The following MFSD6 variants were observed in gnomAD, a reference collection of about 807,000 sequenced individuals.
MFSD6 encodes major facilitator superfamily domain containing 6.
In MFSD6, 26 loss-of-function variants were observed where a neutral mutation model predicts 56.3. The observed-to-expected ratio is 0.46, with a 90% CI of 0.34 to 0.64. The LOEUF is 0.64. Ranked by LOEUF, MFSD6 falls within the 30% of genes least tolerant of loss-of-function variation. The pLI is 0.01. For missense variants in MFSD6, 750 were observed against 986.2 expected (o/e 0.76, Z 3.21); for synonymous variants, 331 against 366.9 (o/e 0.90, Z 1.12).
chr2:190,431,123 G>A lies in MFSD6; in HGVS notation c.-53-4854G>A, dbSNP rs1685978811. On this transcript the variant is annotated intron_variant, in intron 2 of 7. Coordinates refer to ENST00000392328, the MANE Select transcript of MFSD6 (RefSeq NM_017694.4). This position sits in a 1 kb window ranked among gnomAD's most constrained non-coding sequence, Gnocchi z 4.4. Reference sequence around the variant, plus strand: ...TCCCAGACAGGGCGGCGGGGCAGAGGCGCTCCCCACATCTCAGACGATGGG... The same window carrying A: ...TCCCAGACAGGGCGGCGGGGCAGAGACGCTCCCCACATCTCAGACGATGGG... Among the ~76,000 whole-genome samples, 2 of 147,796 alleles carry A rather than the reference G, an allele frequency of 1.4e-5. No homozygotes were observed. The highest frequency in any genetic ancestry group is 3.0e-5 in the Non-Finnish European group (2 of 67,182).
rs151125989 is a variant in MFSD6, at chr2:190,462,234, T to C, written c.1533-7524T>C. Among the ~76,000 whole-genome samples, 2,739 of 152,236 alleles carry C rather than the reference T, an allele frequency of 0.018. 43 individuals carry two copies. The highest frequency in any genetic ancestry group is 0.028 in the Non-Finnish European group (1,897 of 68,006). On this transcript the variant is annotated intron_variant, in intron 3 of 7. Transcript: ENST00000392328. The surrounding 1 kb of genome is among the most constrained non-coding windows in gnomAD (Gnocchi z 5.7). ...AGAAATGGGAACAGAATAACCATTG[T>C]TTTAAGAGATTTACCTCATGGTTCT...
intron 3 of MFSD6, chr2:190,464,933 C>T: frequency 1.0e-6 from 1 of 982,358 alleles, no homozygotes; most frequent in Non-Finnish European, 1.2e-6. Context: ...GTGGATTTAG[C>T]CATATTATAG....
intron 4 of MFSD6, among the ~76,000 whole-genome samples, chr2:190,486,894 G>A (rs929609282): frequency 6.6e-6 from 1 of 152,156 alleles, no homozygotes; most frequent in Admixed American, 6.5e-5. Flanking sequence ...CTTAATGAAG[G>A]TTTTAATTCA....
rs1575810431 is a variant in MFSD6, at chr2:190,411,803, A to G, written c.-176+3300A>G. On this transcript the variant is annotated intron_variant, in intron 1 of 7. Transcript: ENST00000392328. ...TCTAATAGTAACTGTAGCATATTCT[A>G]CAACTCCTCAGTTTTCCTCCTCAAT... 4 of 985,368 alleles carry G rather than the reference A, an allele frequency of 4.1e-6. No homozygotes were observed. The East Asian group carries it at 4.5e-4, about 112-fold the overall frequency. The allele number at this position is 985,368 out of a possible 1,614,324, so 61.0% of individuals were successfully genotyped here. A position where few individuals can be genotyped will look rare whatever the true frequency, so the allele number is the denominator to read the frequency against.
rs1235920959 is a variant in MFSD6, at chr2:190,410,692, G to A, written c.-176+2189G>A. On this transcript the variant is annotated intron_variant, in intron 1 of 7. Transcript: ENST00000392328. The surrounding 1 kb of genome is among the most constrained non-coding windows in gnomAD (Gnocchi z 4.4). ...TTTGGCAATCTCATTATAGGGAAAG[G>A]AAGAAATGCAAAAAATGTGTGTCTG... Among the ~76,000 whole-genome samples the A allele has an allele frequency of 6.6e-6, 1 of 152,046 alleles. No homozygotes were observed. Among genetic ancestry groups the A allele is most frequent in the Non-Finnish European group, 1.5e-5 (1 of 68,016 alleles).
rs1689884118 is a variant in MFSD6, at chr2:190,499,153, TATA to T, written c.2173-857_2173-855del. Among the ~76,000 whole-genome samples the T allele has an allele frequency of 6.6e-6, 1 of 152,158 alleles. No homozygotes were observed. Among genetic ancestry groups the T allele is most frequent in the East Asian group, 1.9e-4 (1 of 5,178 alleles). On this transcript the variant is annotated intron_variant, in intron 7 of 7. Transcript: ENST00000392328. This position sits in a 1 kb window ranked among gnomAD's most constrained non-coding sequence, Gnocchi z 6.0. The stretch of plus-strand genomic sequence containing the variant: ...ACAGAGTGAGACTCCGTCTCAAAAT[TATA>T]ATAACAATAATAAATAAATAAATAA...
chr2:190,457,502 T>C lies in MFSD6; in HGVS notation c.1533-12256T>C, dbSNP rs115519194. ...TTCAAACAGACCATCTAGCCAGTGATAGGGGATGTGTTTTATGATAGCAGT... is the reference window on the plus strand; with the variant it reads ...TTCAAACAGACCATCTAGCCAGTGACAGGGGATGTGTTTTATGATAGCAGT... On this transcript the variant is annotated intron_variant, in intron 3 of 7. Coordinates refer to ENST00000392328, the MANE Select transcript of MFSD6 (RefSeq NM_017694.4). This position sits in a 1 kb window ranked among gnomAD's most constrained non-coding sequence, Gnocchi z 5.1. Among the ~76,000 whole-genome samples, 21 of 152,262 alleles carry C rather than the reference T, an allele frequency of 1.4e-4. No individual in the cohort carries two copies. Among genetic ancestry groups the C allele is most frequent in the African/African-American group, 3.9e-4 (16 of 41,546 alleles).
rs1687898407 is a variant in MFSD6, at chr2:190,471,140, C to T, written c.1630+1285C>T. Among the ~76,000 whole-genome samples the T allele has an allele frequency of 6.6e-6, 1 of 152,146 alleles. No homozygotes were observed. Among genetic ancestry groups the T allele is most frequent in the Admixed American group, 6.5e-5 (1 of 15,276 alleles). ...CCAAGATGGCCGAATAGGAACAGCT[C>T]CAGTCTACAGGTCTCAGCGTAAGTG... On this transcript the variant is annotated intron_variant, in intron 4 of 7. Coordinates refer to ENST00000392328, the MANE Select transcript of MFSD6 (RefSeq NM_017694.4). This position sits in a 1 kb window ranked among gnomAD's most constrained non-coding sequence, Gnocchi z 4.7.
rs150107016 is a variant in MFSD6, at chr2:190,422,788, T to C, written c.-54+7375T>C. 5.7e-3 allele frequency among the ~76,000 whole-genome samples: 869 copies of C among 152,264 alleles called. 12 individuals are homozygous for C. The highest frequency in any genetic ancestry group is 0.02 in the African/African-American group (841 of 41,552). On this transcript the variant is annotated intron_variant, in intron 2 of 7. Coordinates refer to ENST00000392328, the MANE Select transcript of MFSD6 (RefSeq NM_017694.4). ...TTGAAATTTTAAAGTTTTCTTCCCT[T>C]AATTTTTTTCTTTTCTTCCTTCTTG...
chr2:190,488,153 G>A lies in MFSD6; in HGVS notation c.1631-504G>A, dbSNP rs1266670796. ...CCTGACCTCGTGATCCACCCGCCTC[G>A]GCCTCCCAAAGTGCTGGGATTACAG... On this transcript the variant is annotated intron_variant, in intron 4 of 7. Coordinates refer to ENST00000392328, the MANE Select transcript of MFSD6 (RefSeq NM_017694.4). The surrounding 1 kb of genome is among the most constrained non-coding windows in gnomAD (Gnocchi z 6.4). 6.6e-5 allele frequency among the ~76,000 whole-genome samples: 10 copies of A among 152,086 alleles called. No individual in the cohort carries two copies. Among genetic ancestry groups the A allele is most frequent in the African/African-American group, 9.7e-5 (4 of 41,414 alleles).
rs775527185 is a variant in MFSD6 at position 190,417,812 on chromosome 2, G to A, written c.-54+2399G>A. ...TTTCAGAGTTCAATTTAAGCCCCTC[G>A]TTTTCTTGACAACCCCTGTCTGAAG... is the stretch of plus-strand genomic sequence containing the variant. On this transcript the variant is annotated intron_variant, in intron 2 of 7. Coordinates refer to ENST00000392328, the MANE Select transcript of MFSD6 (RefSeq NM_017694.4). The surrounding 1 kb of genome is among the most constrained non-coding windows in gnomAD (Gnocchi z 5.7). Among the ~76,000 whole-genome samples, 4 of 151,792 alleles carry A rather than the reference G, an allele frequency of 2.6e-5. No individual in the cohort carries two copies. Among genetic ancestry groups the A allele is most frequent in the Admixed American group, 6.6e-5 (1 of 15,232 alleles).
At chr2:190,481,559 C>T (rs1392850100) in intron 4 of MFSD6, among the ~76,000 whole-genome samples, 2 of 152,214 alleles carry the variant, frequency 1.3e-5, no homozygotes, top group South Asian at 2.1e-4. Context: ...TCAAGGAGCT[C>T]AGTCTGCGTC....
Position 190,469,939 on chromosome 2 carries a change from C to A in MFSD6, c.1630+84C>A. 1 of 944,832 alleles carries A rather than the reference C, an allele frequency of 1.1e-6. No individual in the cohort carries two copies. The highest frequency in any genetic ancestry group is 1.6e-6 in the Non-Finnish European group (1 of 610,760). The allele number at this position is 944,832 out of a possible 1,614,324, so 58.5% of individuals were successfully genotyped here. ...GCCCAGTGGCCTTCAGCATCTGATTCTATAAAGGAAGGGCAGGCCTACTGT... is the reference window on the plus strand; with the variant it reads ...GCCCAGTGGCCTTCAGCATCTGATTATATAAAGGAAGGGCAGGCCTACTGT... On this transcript the variant is annotated intron_variant, in intron 4 of 7. Coordinates refer to ENST00000392328, the MANE Select transcript of MFSD6 (RefSeq NM_017694.4). This position sits in a 1 kb window ranked among gnomAD's most constrained non-coding sequence, Gnocchi z 5.3.
intron 4 of MFSD6, among the ~76,000 whole-genome samples, chr2:190,470,703 G>T: frequency 6.6e-6 from 1 of 152,176 alleles, no homozygotes; most frequent in East Asian, 1.9e-4. Context: ...AGACAAATGC[G>T]GTGTAATCAA....
At position 190,490,285 on chromosome 2, in the gene MFSD6, C is replaced by CGGG. The variant is rs1171184408; in HGVS notation, c.1891+420_1891+422dup. On this transcript the variant is annotated intron_variant, in intron 6 of 7. Coordinates refer to ENST00000392328, the MANE Select transcript of MFSD6 (RefSeq NM_017694.4). This position sits in a 1 kb window ranked among gnomAD's most constrained non-coding sequence, Gnocchi z 4.5. ...TGTTAAAAAAAAAAAAAACAATGGC[C>CGGG]GGGTGCAGTGGCTCACGCCTGTAAT... Among the ~76,000 whole-genome samples the CGGG allele has an allele frequency of 6.6e-6, 1 of 151,276 alleles. No individual in the cohort carries two copies. Among genetic ancestry groups the CGGG allele is most frequent in the African/African-American group, 2.4e-5 (1 of 41,264 alleles).
At position 190,462,857 on chromosome 2, in the gene MFSD6, C is replaced by T. The variant is rs1687401359; in HGVS notation, c.1533-6901C>T. On this transcript the variant is annotated intron_variant, in intron 3 of 7. Transcript: ENST00000392328. The surrounding 1 kb of genome is among the most constrained non-coding windows in gnomAD (Gnocchi z 5.7). ...GCTGTAGCAGCTCCTGCCTGTTGCT[C>T]AGGTCACTGATTCTGTGGCCTTGTC... 6.6e-6 allele frequency among the ~76,000 whole-genome samples: 1 copy of T among 152,208 alleles called. No homozygotes were observed. The highest frequency in any genetic ancestry group is 2.4e-5 in the African/African-American group (1 of 41,462).
Position 190,496,822 on chromosome 2 carries a change from A to T in MFSD6, c.1892-617A>T, listed in dbSNP as rs1381050884. 6.6e-6 allele frequency among the ~76,000 whole-genome samples: 1 copy of T among 152,182 alleles called. No homozygotes were observed. The highest frequency in any genetic ancestry group is 2.4e-5 in the African/African-American group (1 of 41,446). Reference sequence around the variant, plus strand: ...AAGCAACTCAAGAATGGAAAACCAAACATCGTATATTCTCACTCATAAGTG... The same window carrying T: ...AAGCAACTCAAGAATGGAAAACCAATCATCGTATATTCTCACTCATAAGTG... On this transcript the variant is annotated intron_variant, in intron 6 of 7. Transcript: ENST00000392328. This position sits in a 1 kb window ranked among gnomAD's most constrained non-coding sequence, Gnocchi z 4.7.
chr2:190,491,450 A>G lies in MFSD6; in HGVS notation c.1891+1584A>G, dbSNP rs997467593. Among the ~76,000 whole-genome samples the G allele has an allele frequency of 6.6e-6, 1 of 152,204 alleles. No homozygotes were observed. The highest frequency in any genetic ancestry group is 2.4e-5 in the African/African-American group (1 of 41,440). ...CAGGCCAAATATTGGGCTGGTATCC[A>G]GCTGAGAGACCTAAAGATGGTTCAC... On this transcript the variant is annotated intron_variant, in intron 6 of 7. Transcript: ENST00000392328. This position sits in a 1 kb window ranked among gnomAD's most constrained non-coding sequence, Gnocchi z 4.2.
In MFSD6 at chr2:190,454,085, C is replaced by T. The variant is rs968931135; in HGVS notation, c.1533-15673C>T. 2 of 152,140 alleles carry T rather than the reference C, an allele frequency of 1.3e-5. No individual in the cohort carries two copies. The highest frequency in any genetic ancestry group is 2.9e-5 in the Non-Finnish European group (2 of 68,028). The allele number at this position is 152,140 out of a possible 1,614,324, so 9.4% of individuals were successfully genotyped here. A position where few individuals can be genotyped will look rare whatever the true frequency, so the allele number is the denominator to read the frequency against. On this transcript the variant is annotated intron_variant, in intron 3 of 7. Coordinates refer to ENST00000392328, the MANE Select transcript of MFSD6 (RefSeq NM_017694.4). This position sits in a 1 kb window ranked among gnomAD's most constrained non-coding sequence, Gnocchi z 4.6. ...ACCAGTAAAATTATTGTAGGCCTCGCAATTTATAGTTTTAACAAATATTTT... is the reference window on the plus strand; with the variant it reads ...ACCAGTAAAATTATTGTAGGCCTCGTAATTTATAGTTTTAACAAATATTTT...
Sources: allele counts gnomAD v4.1 joint callset (sites outside exome capture counted in the v4.1 genomes callset), GRCh38; gene constraint gnomAD v4.1.1; non-coding constraint Gnocchi (gnomAD v3.1); transcripts MANE v1.5; gene names NCBI Gene and HGNC (gene_info 2026-07-23, HGNC 2026-07-21).